Variants in EZH2 observed in about 807,000 individuals in gnomAD.
The protein encoded by EZH2 is enhancer of zeste 2 polycomb repressive complex 2 subunit.
Under a neutral mutation model 98.4 loss-of-function variants are expected in EZH2, and 18 were observed. The observed-to-expected ratio is 0.18, with a 90% CI of 0.13 to 0.27. The LOEUF (loss-of-function observed/expected upper bound fraction) is 0.27, where lower values mean the gene tolerates loss of function less well. Among genes scored for constraint, EZH2 ranks in the 10% least tolerant of loss-of-function variants. EZH2 has a pLI of 1.00. For missense variants in EZH2, 470 were observed against 935.1 expected (o/e 0.50, Z 6.49); for synonymous variants, 338 against 312.3 (o/e 1.08, Z -0.87).
intron 8 of EZH2, among the ~76,000 whole-genome samples, chr7:148,821,517 G>A (rs890999754): frequency 6.6e-6 from 1 of 152,126 alleles, no homozygotes; most frequent in Non-Finnish European, 1.5e-5. Context: ...AAAAGAACTA[G>A]ACAAACAGAT....
At chr7:148,851,777 G>A (rs1210977177) in intron 1 of EZH2, among the ~76,000 whole-genome samples, 1 of 152,110 alleles carries the variant, frequency 6.6e-6, no homozygotes, top group Non-Finnish European at 1.5e-5. Flanking sequence ...AAGCTGAGGT[G>A]GGAGGATCTC....
At position 148,813,883 on chromosome 7, in the gene EZH2, A is replaced by G. The variant is rs1300909257; in HGVS notation, c.1851+76T>C. On this transcript the variant is annotated intron_variant, in intron 15 of 19. Transcript: ENST00000320356. ...TTTTACTTTTTGCCCCAGCTAAATC[A>G]TCTAAGGCAATCCTGACATTTGCAT... The G allele has an allele frequency of 2.7e-6, 4 of 1,470,680 alleles. No homozygotes were observed. In the African/African-American group the frequency reaches 4.2e-5, roughly 15 times the overall value. 91.1% of individuals were successfully genotyped at this position (1,470,680 alleles called of 1,614,324 possible).
chr7:148,829,334 T>A (rs1210279681), intron 5 of EZH2, among the ~76,000 whole-genome samples: 3 of 152,140 alleles, frequency 2.0e-5, no homozygotes, highest in Admixed American at 6.5e-5. Context: ...GGTACTGTAG[T>A]CCCTAGAGGA....
rs1222257367 is a variant in EZH2, at chr7:148,807,722, G to A, written c.2196-16C>T. The A allele has an allele frequency of 1.3e-6, 2 of 1,574,084 alleles. No individual in the cohort carries two copies. The highest frequency in any genetic ancestry group is 2.7e-5 in the African/African-American group (2 of 72,876). ...CTGGCTGTATCTGAAACAACAGGAA[G>A]GAGATGTCCGCTGGATGGCCACCCA... On this transcript the variant is annotated splice_polypyrimidine_tract_variant and intron_variant, in intron 19 of 19. Transcript: ENST00000320356.
intron 8 of EZH2, 60 bp downstream of exon 8, chr7:148,826,394 G>A (rs1342805539): frequency 7.9e-7 from 1 of 1,273,022 alleles, no homozygotes; most frequent in Non-Finnish European, 1.0e-6. Context: ...ATAAATGATA[G>A]CACTCTCCAA....
chr7:148,856,477 C>A (rs1369392577), intron 1 of EZH2, among the ~76,000 whole-genome samples: 1 of 152,072 alleles, frequency 6.6e-6, no homozygotes, highest in African/African-American at 2.4e-5. Context: ...AGGGTCTGTC[C>A]AACAGAGGGC....
At chr7:148,832,525 C>T (rs1437782146) in intron 4 of EZH2, 109 bp downstream of exon 4, 4 of 653,666 alleles carry the variant, frequency 6.1e-6, no homozygotes, top group Non-Finnish European at 1.0e-5. Flanking sequence ...ATTTTGATAG[C>T]TTTTTAGAAT....
intron 1 of EZH2, among the ~76,000 whole-genome samples, chr7:148,869,594 G>A (rs764370165): frequency 2.6e-5 from 4 of 151,954 alleles, no homozygotes; most frequent in Non-Finnish European, 4.4e-5. Context: ...CACCTCAGCC[G>A]CTCAAAGTGC....
intron 19 of EZH2, among the ~76,000 whole-genome samples, chr7:148,808,422 G>A (rs1405920817): frequency 6.6e-6 from 1 of 152,250 alleles, no homozygotes; most frequent in Non-Finnish European, 1.5e-5. Context: ...CGGGGCTACA[G>A]GAGTTCATTA....
At chr7:148,807,814 TAAAAAAAAAAA>T in intron 19 of EZH2, 108 bp from the exon 20 acceptor site, 2 of 399,452 alleles carry the variant, frequency 5.0e-6, no homozygotes, top group South Asian at 3.9e-5. Context: ...AAAATGTCTT[TAAAAAAAAAAA>T]AAAAAAAAAA....
intron 5 of EZH2, among the ~76,000 whole-genome samples, chr7:148,829,381 T>C (rs73745392): frequency 0.046 from 7,028 of 152,222 alleles, 514 homozygotes; most frequent in African/African-American, 0.16. Flanking sequence ...TTGGAGCCCC[T>C]ATATGCCACA....
In EZH2 at chr7:148,848,433, T is replaced by A. The variant is rs145805394; in HGVS notation, c.-7-1128A>T. On this transcript the variant is annotated intron_variant, in intron 1 of 19. Coordinates refer to ENST00000320356, the MANE Select transcript of EZH2 (RefSeq NM_004456.5). Reference sequence around the variant, plus strand: ...TATGGAAAGTGAAGAAGAAGGTGACTTTCTGGCTTGAGCAAATAAATGAGT... The same window carrying A: ...TATGGAAAGTGAAGAAGAAGGTGACATTCTGGCTTGAGCAAATAAATGAGT... Among the ~76,000 whole-genome samples the A allele has an allele frequency of 1.3e-4, 20 of 152,314 alleles. No homozygotes were observed. In the East Asian group the frequency reaches 3.9e-3, roughly 29 times the overall value.
chr7:148,847,991 T>C (rs1814617527), intron 1 of EZH2, among the ~76,000 whole-genome samples: 3 of 152,248 alleles, frequency 2.0e-5, no homozygotes, highest in Admixed American at 2.0e-4. Flanking sequence ...GAACCAATTA[T>C]GTTTAAATGC....
intron 1 of EZH2, among the ~76,000 whole-genome samples, chr7:148,881,972 GCACACACACACACA>G (rs3059438): frequency 8.3e-5 from 11 of 131,850 alleles, no homozygotes; most frequent in South Asian, 4.8e-4. Context: ...ACACGCGCGC[GCACACACACACACA>G]CACACACACA....
intron 1 of EZH2, among the ~76,000 whole-genome samples, chr7:148,859,206 A>G (rs951232827): frequency 6.6e-6 from 1 of 152,162 alleles, no homozygotes; most frequent in East Asian, 1.9e-4. Context: ...AGTTGGACAG[A>G]AACAGTTAAA....
intron 1 of EZH2, among the ~76,000 whole-genome samples, chr7:148,865,180 T>C (rs2129489412): frequency 6.6e-6 from 1 of 151,122 alleles, no homozygotes; most frequent in South Asian, 2.1e-4. Flanking sequence ...AAATTCATTA[T>C]AATTCAAAGA....
chr7:148,846,719 G>T, intron 2 of EZH2, 121 bp from the exon 3 acceptor site: 3 of 840,318 alleles, frequency 3.6e-6, no homozygotes, highest in Non-Finnish European at 5.5e-6. Context: ...CATTTTCTTA[G>T]GTGCATATAG....
At chr7:148,864,273 A>G (rs1379358260) in intron 1 of EZH2, among the ~76,000 whole-genome samples, 1 of 152,250 alleles carries the variant, frequency 6.6e-6, no homozygotes, top group Non-Finnish European at 1.5e-5. Context: ...ACTGCTTAGA[A>G]AAGAAATGGC....
At chr7:148,875,424 GACAA>G (rs1337597031) in intron 1 of EZH2, among the ~76,000 whole-genome samples, 1 of 149,212 alleles carries the variant, frequency 6.7e-6, no homozygotes, top group African/African-American at 2.6e-5. Flanking sequence ...CACTCAACCA[GACAA>G]ACAATCCAAT....
Sources: allele counts gnomAD v4.1 joint callset (sites outside exome capture counted in the v4.1 genomes callset), GRCh38; gene constraint gnomAD v4.1.1; transcripts MANE v1.5; gene names NCBI Gene and HGNC (gene_info 2026-07-23, HGNC 2026-07-21).